Variants in CAMTA1 observed in about 807,000 individuals in gnomAD.
The protein encoded by CAMTA1 is calmodulin binding transcription activator 1, also known as calmodulin-binding transcription activator 1.
CAMTA1 carries 27 observed loss-of-function variants against 170.9 expected under a neutral mutation model. That is an observed-to-expected ratio of 0.16 (90% CI 0.12 to 0.22). The LOEUF (loss-of-function observed/expected upper bound fraction) is 0.22, where lower values mean the gene tolerates loss of function less well. Ranked by LOEUF, CAMTA1 falls within the 10% of genes least tolerant of loss-of-function variation. The probability of loss-of-function intolerance (pLI) is 1.00; values close to 1 mark genes in which losing one functional copy is unlikely to be tolerated. For synonymous variants in CAMTA1, 833 were observed against 891.5 expected (o/e 0.93, Z 1.17); for missense variants, 1,619 against 2,217.2 (o/e 0.73, Z 5.42).
At chr1:7,162,490 A>G (rs1254861240) in intron 4 of CAMTA1, among the ~76,000 whole-genome samples, 2 of 152,158 alleles carry the variant, frequency 1.3e-5, no homozygotes, top group Non-Finnish European at 2.9e-5. Context: ...CAGGGCAACC[A>G]CAAATCTACT....
chr1:7,100,389 T>C (rs1022554514), intron 4 of CAMTA1, among the ~76,000 whole-genome samples: 1 of 152,204 alleles, frequency 6.6e-6, no homozygotes, highest in Non-Finnish European at 1.5e-5. Context: ...TCTTCCTCAC[T>C]GGCCTTTGCC....
intron 6 of CAMTA1, among the ~76,000 whole-genome samples, chr1:7,560,785 G>A (rs2094945926): frequency 1.3e-5 from 2 of 152,070 alleles, no homozygotes; most frequent in Admixed American, 1.3e-4. Flanking sequence ...AGAGCATCAT[G>A]AGAACATGGG....
intron 5 of CAMTA1, among the ~76,000 whole-genome samples, chr1:7,255,686 A>C (rs551381545): frequency 6.6e-6 from 1 of 152,314 alleles, no homozygotes; most frequent in Admixed American, 6.5e-5. Flanking sequence ...GAAATCCTGT[A>C]TCTGGTATCC....
At chr1:7,183,729 G>A (rs549023991) in intron 4 of CAMTA1, among the ~76,000 whole-genome samples, 1 of 152,322 alleles carries the variant, frequency 6.6e-6, no homozygotes, top group Admixed American at 6.5e-5. Flanking sequence ...GAGCGGAAGA[G>A]CATCTGTGGG....
chr1:6,911,284 C>A (rs1679626596), intron 3 of CAMTA1, among the ~76,000 whole-genome samples: 1 of 152,164 alleles, frequency 6.6e-6, no homozygotes, highest in African/African-American at 2.4e-5. Flanking sequence ...CCCAGGAGGC[C>A]ACCTGCATGA....
At chr1:7,058,407 C>T (rs943377251) in intron 3 of CAMTA1, among the ~76,000 whole-genome samples, 2 of 152,300 alleles carry the variant, frequency 1.3e-5, no homozygotes, top group Admixed American at 6.5e-5. Context: ...CCTGTGGAGT[C>T]GTCACCTGGC....
intron 5 of CAMTA1, among the ~76,000 whole-genome samples, chr1:7,418,325 A>G (rs1355879863): frequency 6.6e-6 from 1 of 152,084 alleles, no homozygotes; most frequent in Non-Finnish European, 1.5e-5. Flanking sequence ...CCTCCCAAAT[A>G]GCTGGGATTA....
chr1:6,897,770 C>G (rs536467534), intron 3 of CAMTA1, among the ~76,000 whole-genome samples: 4 of 152,184 alleles, frequency 2.6e-5, no homozygotes, highest in African/African-American at 4.8e-5. Flanking sequence ...ATTGGCACTT[C>G]TAGATGGATA....
chr1:7,751,134 C>G (rs956251130), intron 19 of CAMTA1, 65 bp from the exon 20 acceptor site: 1 of 1,293,282 alleles, frequency 7.7e-7, no homozygotes, highest in African/African-American at 1.5e-5. Context: ...CCGGTAAGCT[C>G]GAAGGACGCT....
At chr1:6,980,986 G>A (rs1195372291) in intron 3 of CAMTA1, among the ~76,000 whole-genome samples, 1 of 151,976 alleles carries the variant, frequency 6.6e-6, no homozygotes, top group African/African-American at 2.4e-5. Context: ...GGAAACCCTT[G>A]GAGTCAGTTC....
chr1:7,508,506 T>TGC (rs2094153828), intron 6 of CAMTA1, among the ~76,000 whole-genome samples: 1 of 152,242 alleles, frequency 6.6e-6, no homozygotes. Context: ...GCTGCTTTCA[T>TGC]GCATCTGCGT....
In CAMTA1 at chr1:7,087,659, A is replaced by G. The variant is rs114051842; in HGVS notation, c.235-3645A>G. On this transcript the variant is annotated intron_variant, in intron 3 of 22. Transcript: ENST00000303635. ...GGTACTGGCCATGTGACCTTAGGCA[A>G]GTCACTTAACCACTCTGTGCCTCAG... Among the ~76,000 whole-genome samples, 289 of 152,316 alleles carry G rather than the reference A, an allele frequency of 1.9e-3. 2 individuals are homozygous for G. Among genetic ancestry groups the G allele is most frequent in the African/African-American group, 6.6e-3 (274 of 41,566 alleles).
At chr1:7,279,996 T>C (rs984298642) in intron 5 of CAMTA1, among the ~76,000 whole-genome samples, 4 of 152,128 alleles carry the variant, frequency 2.6e-5, no homozygotes, top group Non-Finnish European at 5.9e-5. Context: ...AGGGAGTGAA[T>C]TGCACCAGGG....
intron 3 of CAMTA1, among the ~76,000 whole-genome samples, chr1:6,911,048 C>G (rs1238256692): frequency 1.3e-5 from 2 of 152,218 alleles, no homozygotes; most frequent in African/African-American, 4.8e-5. Context: ...CCGTTTGGAG[C>G]AGCTGCATTA....
chr1:6,938,744 TCTC>T (rs549087307), intron 3 of CAMTA1, among the ~76,000 whole-genome samples: 4 of 152,126 alleles, frequency 2.6e-5, no homozygotes, highest in Non-Finnish European at 5.9e-5. Flanking sequence ...CCTTTCATGA[TCTC>T]CTCTGGCTCC....
At chr1:7,478,431 A>G (rs2093458955) in intron 6 of CAMTA1, among the ~76,000 whole-genome samples, 1 of 152,198 alleles carries the variant, frequency 6.6e-6, no homozygotes, top group Admixed American at 6.5e-5. Context: ...GACTGCCACC[A>G]GGACCTCTCC....
At chr1:7,406,475 C>T (rs914299122) in intron 5 of CAMTA1, among the ~76,000 whole-genome samples, 3 of 152,144 alleles carry the variant, frequency 2.0e-5, no homozygotes, top group Admixed American at 6.5e-5. Flanking sequence ...ACTGGACACT[C>T]GGAGAGTGTC....
intron 4 of CAMTA1, among the ~76,000 whole-genome samples, chr1:7,187,213 A>G (rs557398745): frequency 6.6e-6 from 1 of 152,280 alleles, no homozygotes; most frequent in African/African-American, 2.4e-5. Context: ...CTCAGGAAGC[A>G]GTCCCAGACT....
chr1:7,470,269 G>C (rs1442579466), intron 6 of CAMTA1, among the ~76,000 whole-genome samples: 3 of 152,236 alleles, frequency 2.0e-5, no homozygotes, highest in African/African-American at 7.2e-5. Flanking sequence ...AAAGCAATTA[G>C]CACAATGCAC....
Sources: allele counts gnomAD v4.1 joint callset (sites outside exome capture counted in the v4.1 genomes callset), GRCh38; gene constraint gnomAD v4.1.1; transcripts MANE v1.5; gene names NCBI Gene and HGNC (gene_info 2026-07-23, HGNC 2026-07-21).